SLC14A2: variants seen among roughly 807,000 people sequenced by gnomAD.
SLC14A2 encodes urea transporter 2.
Under a neutral mutation model 104.6 loss-of-function variants are expected in SLC14A2, and 91 were observed. The observed-to-expected ratio is 0.87, with a 90% CI of 0.73 to 1.04. The LOEUF (loss-of-function observed/expected upper bound fraction) is 1.04. Ranked by LOEUF, SLC14A2 falls within the 50% of genes least tolerant of loss-of-function variation. The pLI is 0.00. For missense variants in SLC14A2, 1,189 were observed against 1,156.0 expected, an observed-to-expected ratio of 1.03 and a Z score of -0.41; for synonymous variants, 476 against 466.4, an observed-to-expected ratio of 1.02 and a Z score of -0.27.
chr18:45,202,237 A>G, the SLC14A2 span, among the ~76,000 whole-genome samples: 58,936 of 151,980 alleles, frequency 0.39, 12,216 homozygotes, highest in Non-Finnish European at 0.48. Context: ...TAGATATAGC[A>G]AAAGCCCAAA....
chr18:45,314,605 C>T (rs1253014965), intron 1 of SLC14A2, among the ~76,000 whole-genome samples: 2 of 152,216 alleles, frequency 1.3e-5, no homozygotes, highest in Non-Finnish European at 2.9e-5. Context: ...CTGCACCGAT[C>T]TATATCTCCA....
chr18:45,483,459 G>C (rs555202075), intron 2 of SLC14A2: 1 of 152,292 alleles, frequency 6.6e-6, no homozygotes, highest in Non-Finnish European at 1.5e-5. Flanking sequence ...GATGAGAGGT[G>C]AGTCCTGTGA....
chr18:45,180,139 A>G, the SLC14A2 span, among the ~76,000 whole-genome samples: 1 of 152,118 alleles, frequency 6.6e-6, no homozygotes, highest in Admixed American at 6.6e-5. Context: ...ACAGTGTGAG[A>G]CCCTGTCTGA....
In SLC14A2 at chr18:45,299,968, A is replaced by G. The variant is rs115158841; in HGVS notation, c.-125+86777A>G. On this transcript the variant is annotated intron_variant, in intron 1 of 20. Transcript: ENST00000586448. Reference sequence around the variant, plus strand: ...CATGCAAGGGGGTGATATTTTAGTTATTTGGCTGGTAATTAGGTTTGTGGT... The same window carrying G: ...CATGCAAGGGGGTGATATTTTAGTTGTTTGGCTGGTAATTAGGTTTGTGGT... Among the ~76,000 whole-genome samples, 707 of 152,152 alleles carry G rather than the reference A, an allele frequency of 4.6e-3. 3 individuals are homozygous for G. The highest frequency in any genetic ancestry group is 0.015 in the African/African-American group (641 of 41,500).
chr18:45,242,109 T>C (rs1435052705), intron 1 of SLC14A2, among the ~76,000 whole-genome samples: 1 of 152,148 alleles, frequency 6.6e-6, no homozygotes, highest in African/African-American at 2.4e-5. Flanking sequence ...ATTTTGGCTT[T>C]TTCTGGTCCA....
intron 2 of SLC14A2, among the ~76,000 whole-genome samples, chr18:45,532,492 G>GCTAT (rs368108994): frequency 8.3e-6 from 1 of 120,672 alleles, no homozygotes; most frequent in African/African-American, 4.4e-5. Context: ...TCATGATTTG[G>GCTAT]CTGTTTGTCT....
intron 10 of SLC14A2, among the ~76,000 whole-genome samples, chr18:45,648,493 C>CTG (rs35822242): frequency 0.013 from 1,977 of 152,268 alleles, 12 homozygotes; most frequent in Non-Finnish European, 0.021. Flanking sequence ...GCATGAGCCA[C>CTG]CACGCCCGGC....
At chr18:45,449,312 C>T (rs1033270588) in intron 1 of SLC14A2, among the ~76,000 whole-genome samples, 2 of 152,124 alleles carry the variant, frequency 1.3e-5, no homozygotes, top group Non-Finnish European at 2.9e-5. Context: ...TTCTGCAAAT[C>T]CCACTTCTTC....
At chr18:45,377,279 C>A (rs565695229) in intron 1 of SLC14A2, among the ~76,000 whole-genome samples, 4 of 150,426 alleles carry the variant, frequency 2.7e-5, no homozygotes, top group South Asian at 2.1e-4. Context: ...TTCTTCTTTT[C>A]TTTTCCCCTA....
At chr18:45,209,691 CTTCA>C (rs759914027), upstream of SLC14A2, among the ~76,000 whole-genome samples, 1 of 152,046 alleles carries the variant, frequency 6.6e-6, no homozygotes, top group Non-Finnish European at 1.5e-5. Context: ...ACCTTGATTT[CTTCA>C]TTCATCTTGC....
the SLC14A2 span, among the ~76,000 whole-genome samples, chr18:45,203,562 C>A: frequency 6.6e-6 from 1 of 152,080 alleles, no homozygotes; most frequent in East Asian, 1.9e-4. Context: ...CATCATTTTC[C>A]TATTATTAAA....
intron 1 of SLC14A2, among the ~76,000 whole-genome samples, chr18:45,330,884 GC>G (rs1431774538): frequency 6.6e-6 from 1 of 152,190 alleles, no homozygotes; most frequent in Non-Finnish European, 1.5e-5. Flanking sequence ...GATAATCTCT[GC>G]CTTCTTGAAT....
At chr18:45,627,887 G>A (rs1293123432) in intron 4 of SLC14A2, among the ~76,000 whole-genome samples, 1 of 151,374 alleles carries the variant, frequency 6.6e-6, no homozygotes, top group East Asian at 1.9e-4. Context: ...GTGCATGCCT[G>A]TAATCCCAGC....
At chr18:45,183,758 G>A in the SLC14A2 span, among the ~76,000 whole-genome samples, 1 of 149,362 alleles carries the variant, frequency 6.7e-6, no homozygotes, top group Non-Finnish European at 1.5e-5. Context: ...TCAAGACAGG[G>A]CCTTGCTCTG....
intron 1 of SLC14A2, among the ~76,000 whole-genome samples, chr18:45,376,430 C>T (rs2085775426): frequency 6.6e-6 from 1 of 152,186 alleles, no homozygotes; most frequent in South Asian, 2.1e-4. Context: ...ACTTAGTCAA[C>T]TTAATTCTAT....
At chr18:45,445,680 C>A (rs186505781) in intron 1 of SLC14A2, among the ~76,000 whole-genome samples, 4 of 152,312 alleles carry the variant, frequency 2.6e-5, no homozygotes, top group Non-Finnish European at 4.4e-5. Context: ...AGTGGCCCAA[C>A]AAGCTACAGA....
chr18:45,563,799 A>G (rs1314974754), intron 2 of SLC14A2, among the ~76,000 whole-genome samples: 1 of 152,208 alleles, frequency 6.6e-6, no homozygotes, highest in Non-Finnish European at 1.5e-5. Context: ...TTTGTACTTT[A>G]TTATTCACGG....
At chr18:45,345,115 G>C (rs188477150) in intron 1 of SLC14A2, among the ~76,000 whole-genome samples, 1 of 152,082 alleles carries the variant, frequency 6.6e-6, no homozygotes, top group Non-Finnish European at 1.5e-5. Flanking sequence ...GTGCATTCTT[G>C]TTCATAAAGG....
chr18:45,359,108 T>C (rs2085585005), intron 1 of SLC14A2, among the ~76,000 whole-genome samples: 1 of 152,220 alleles, frequency 6.6e-6, no homozygotes, highest in African/African-American at 2.4e-5. Context: ...CTCTGAAGTA[T>C]ACCAAGCAGC....
Sources: gnomAD v4.1 joint callset for allele counts (sites outside exome capture counted in the v4.1 genomes callset) on GRCh38, gnomAD v4.1.1 for gene constraint, MANE v1.5 for transcripts, NCBI Gene and HGNC (gene_info 2026-07-23, HGNC 2026-07-21) for gene names.